CCDC30: variants seen among roughly 807,000 people sequenced by gnomAD.
CCDC30 encodes coiled-coil domain-containing protein 30.
In CCDC30, 70 loss-of-function variants were observed where a neutral mutation model predicts 100.2. That is an observed-to-expected ratio of 0.70 (90% CI 0.58 to 0.85). The LOEUF (loss-of-function observed/expected upper bound fraction) is 0.85, where lower values mean the gene tolerates loss of function less well. Ranked by LOEUF, CCDC30 falls within the 40% of genes least tolerant of loss-of-function variation. The pLI is 0.00. For missense variants in CCDC30, 652 were observed against 771.2 expected (o/e 0.85, Z 1.83); for synonymous variants, 233 against 269.5 (o/e 0.86, Z 1.33).
chr1:42,507,377 C>G (rs1229966146), intron 6 of CCDC30, among the ~76,000 whole-genome samples: 1 of 152,100 alleles, frequency 6.6e-6, no homozygotes, highest in Admixed American at 6.5e-5. Flanking sequence ...TTTCAATGCT[C>G]AATTTATGAA....
intron 6 of CCDC30, among the ~76,000 whole-genome samples, chr1:42,564,680 A>G (rs2148562955): frequency 6.6e-6 from 1 of 152,376 alleles, no homozygotes; most frequent in Non-Finnish European, 1.5e-5. Context: ...ATCATCTCAC[A>G]TACTTTTTTG....
chr1:42,490,989 AT>A (rs139598402), intron 4 of CCDC30, among the ~76,000 whole-genome samples: 21,295 of 152,246 alleles, frequency 0.14, 1,599 homozygotes, highest in East Asian at 0.18. Flanking sequence ...CTATATAAAA[AT>A]GCTACCAGTT....
chr1:42,635,016 C>A (rs1001596407), intron 11 of CCDC30, among the ~76,000 whole-genome samples: 1 of 152,036 alleles, frequency 6.6e-6, no homozygotes, highest in African/African-American at 2.4e-5. Context: ...TACTTCCTTT[C>A]TTTTTATAAC....
Position 42,589,365 on chromosome 1 carries a change from G to A in CCDC30, c.1046G>A (p.Arg349Lys), listed in dbSNP as rs140323754. The A allele has an allele frequency of 7.9e-3, 12,669 of 1,613,226 alleles. 59 individuals are homozygous for A. Among genetic ancestry groups the A allele is most frequent in the Non-Finnish European group, 9.7e-3 (11,400 of 1,179,594 alleles). The stretch of plus-strand genomic sequence containing the variant: ...GTAGATGAGTTACACAGGCAAGTGA[G>A]AACCTTACAAGATAAAGAAAATCTA... The change falls in exon 10 of 17, where the codon AGA (arginine) becomes AAA (lysine). Residue 349 changes from arginine (R) to lysine (K), a missense_variant. Transcript: ENST00000668663.
intron 9 of CCDC30, among the ~76,000 whole-genome samples, chr1:42,581,962 C>A (rs2148593544): frequency 6.6e-6 from 1 of 151,832 alleles, no homozygotes; most frequent in South Asian, 2.1e-4. Flanking sequence ...TGGCTCACAC[C>A]TGTAATCCCA....
intron 6 of CCDC30, among the ~76,000 whole-genome samples, chr1:42,525,581 G>A (rs951089984): frequency 4.0e-5 from 6 of 151,890 alleles, no homozygotes; most frequent in African/African-American, 1.2e-4. Flanking sequence ...TAGTTGTGTT[G>A]CACTTGTTTC....
At chr1:42,613,458 CG>C (rs1646664966) in intron 11 of CCDC30, among the ~76,000 whole-genome samples, 1 of 152,008 alleles carries the variant, frequency 6.6e-6, no homozygotes, top group South Asian at 2.1e-4. Context: ...GGGGTTTCAC[CG>C]TGTTAGCCAG....
intron 6 of CCDC30, among the ~76,000 whole-genome samples, chr1:42,503,723 TA>T (rs1218953741): frequency 5.3e-5 from 8 of 152,212 alleles, no homozygotes; most frequent in African/African-American, 1.9e-4. Flanking sequence ...TGCTCTTTGT[TA>T]GAGAAGAAAA....
intron 7 of CCDC30, among the ~76,000 whole-genome samples, chr1:42,576,780 A>C (rs1296724727): frequency 1.3e-5 from 2 of 152,186 alleles, no homozygotes; most frequent in Admixed American, 6.5e-5. Context: ...GACTAGATTG[A>C]AGAAAGGATG....
chr1:42,479,141 C>T (rs543248721), intron 1 of CCDC30, among the ~76,000 whole-genome samples: 1 of 152,034 alleles, frequency 6.6e-6, no homozygotes. Context: ...TTTGGGAGGC[C>T]GAGTTGGGCG....
the CCDC30 span, chr1:42,456,971 C>T: frequency 6.2e-7 from 1 of 1,603,624 alleles, no homozygotes; most frequent in Non-Finnish European, 8.5e-7. Flanking sequence ...GAGGAGCTAC[C>T]AGGAGGCTGC....
chr1:42,644,925 G>A (rs1647764955), intron 14 of CCDC30, 118 bp downstream of exon 18: 1 of 658,292 alleles, frequency 1.5e-6, no homozygotes, highest in Non-Finnish European at 2.7e-6. Flanking sequence ...TGGCCTCATG[G>A]TAGGCTGTGG....
intron 8 of CCDC30, among the ~76,000 whole-genome samples, chr1:42,577,896 T>C (rs535422837): frequency 7.2e-4 from 109 of 152,270 alleles, no homozygotes; most frequent in Admixed American, 2.2e-3. Flanking sequence ...CGCCTCGGCC[T>C]CCCAAAGTGC....
At chr1:42,631,778 G>A (rs1647042984) in intron 11 of CCDC30, among the ~76,000 whole-genome samples, 1 of 152,156 alleles carries the variant, frequency 6.6e-6, no homozygotes, top group Admixed American at 6.6e-5. Context: ...CCCATGGAGA[G>A]TACTGCCAGA....
At chr1:42,465,046 G>GCTTTA (rs1643526596) in intron 1 of CCDC30, among the ~76,000 whole-genome samples, 1 of 152,204 alleles carries the variant, frequency 6.6e-6, no homozygotes, top group African/African-American at 2.4e-5. Context: ...ATTGTAAGGG[G>GCTTTA]CTTTCCTTTC....
At chr1:42,463,410 G>T (rs1643468748) in exon 1 of CCDC30, 1 of 152,218 alleles carries the variant, frequency 6.6e-6, no homozygotes, top group Non-Finnish European at 1.5e-5. Context: ...TGAGGTTCCT[G>T]CCTCAGCCCC....
chr1:42,505,565 AC>A (rs1173890163), intron 6 of CCDC30, among the ~76,000 whole-genome samples: 7 of 152,360 alleles, frequency 4.6e-5, no homozygotes, highest in African/African-American at 1.7e-4. Context: ...TTAGTCATAT[AC>A]TTGGCCTGAT....
chr1:42,630,490 A>C (rs1455258773), intron 11 of CCDC30, among the ~76,000 whole-genome samples: 1 of 151,032 alleles, frequency 6.6e-6, no homozygotes, highest in African/African-American at 2.4e-5. Flanking sequence ...TCAAGCAATT[A>C]TCCTACCTCG....
intron 4 of CCDC30, among the ~76,000 whole-genome samples, chr1:42,496,596 C>T (rs1644236414): frequency 6.6e-6 from 1 of 151,950 alleles, no homozygotes; most frequent in South Asian, 2.1e-4. Flanking sequence ...AACAAAAAGC[C>T]TATGTTCCAT....
Sources: gnomAD v4.1 joint callset for allele counts (sites outside exome capture counted in the v4.1 genomes callset) on GRCh38, gnomAD v4.1.1 for gene constraint, MANE v1.5 for transcripts, NCBI Gene and HGNC (gene_info 2026-07-23, HGNC 2026-07-21) for gene names.